The following TLL2 variants were observed in gnomAD, a reference collection of about 807,000 sequenced individuals.
TLL2 encodes the protein tolloid-like protein 2.
Under a neutral mutation model 123.0 loss-of-function variants are expected in TLL2, and 106 were observed. The ratio of observed to expected loss-of-function variants is 0.86; its 90% confidence interval spans 0.74 to 1.01. The LOEUF is 1.01. TLL2 is among the 50% of genes least tolerant of loss of function. The pLI, the probability that TLL2 is intolerant of heterozygous loss-of-function variation, is 0.00. For synonymous variants in TLL2, 494 were observed against 516.8 expected (o/e 0.96, Z 0.60); for missense variants, 1,332 against 1,336.7 (o/e 1.00, Z 0.06).
chr10:96,370,697 T>C (rs1311843489), intron 19 of TLL2, among the ~76,000 whole-genome samples: 1 of 152,232 alleles, frequency 6.6e-6, no homozygotes, highest in Non-Finnish European at 1.5e-5. Context: ...GTTGGATGCA[T>C]CTGAGAAGGG....
chr10:96,432,789 T>G lies in TLL2; in HGVS notation c.520+18A>C. ...AAAGCACCCTGACCCAAAGCAGACC[T>G]TGTCTGTGGCTACTGACCAGTGAAG... On this transcript the variant is annotated intron_variant, in intron 4 of 20. Transcript: ENST00000357947. The G allele has an allele frequency of 6.2e-7, 1 of 1,610,898 alleles. No homozygotes were observed. The highest frequency in any genetic ancestry group is 8.5e-7 in the Non-Finnish European group (1 of 1,177,586).
intron 6 of TLL2, among the ~76,000 whole-genome samples, chr10:96,422,259 G>C (rs370666694): frequency 2.6e-5 from 4 of 150,966 alleles, no homozygotes; most frequent in African/African-American, 7.3e-5. Context: ...CAGTGTTCTG[G>C]TCGACTGTGT....
chr10:96,512,331 G>T (rs911410091), intron 1 of TLL2, among the ~76,000 whole-genome samples: 1 of 152,220 alleles, frequency 6.6e-6, no homozygotes. Context: ...CACTTGCAGA[G>T]AATTTTCCCA....
At chr10:96,429,922 A>G (rs141110102) in intron 4 of TLL2, among the ~76,000 whole-genome samples, 21 of 152,332 alleles carry the variant, frequency 1.4e-4, no homozygotes, top group Non-Finnish European at 2.6e-4. Context: ...AGTTCTTTTC[A>G]AAATCTAGAA....
chr10:96,411,496 G>A (rs548449701), intron 8 of TLL2, among the ~76,000 whole-genome samples: 1 of 152,306 alleles, frequency 6.6e-6, no homozygotes, highest in South Asian at 2.1e-4. Context: ...GGTTGGTTAT[G>A]AGTCTAGAAC....
intron 3 of TLL2, among the ~76,000 whole-genome samples, chr10:96,439,609 T>C (rs1279149334): frequency 6.6e-6 from 1 of 152,200 alleles, no homozygotes; most frequent in African/African-American, 2.4e-5. Context: ...CTTTCTTTCC[T>C]TTGAACTCAA....
At chr10:96,429,222 T>C (rs1436893797) in intron 4 of TLL2, among the ~76,000 whole-genome samples, 1 of 152,204 alleles carries the variant, frequency 6.6e-6, no homozygotes, top group East Asian at 1.9e-4. Flanking sequence ...AGATTTTGTG[T>C]CCTCACCAGC....
At chr10:96,421,124 G>A in intron 6 of TLL2, 63 bp from the exon 7 acceptor site, 1 of 1,285,932 alleles carries the variant, frequency 7.8e-7, no homozygotes, top group Admixed American at 1.7e-5. Context: ...AGGAGGCAGA[G>A]GAAGGAGAAG....
At chr10:96,479,431 A>G (rs1050299857) in intron 2 of TLL2, among the ~76,000 whole-genome samples, 3 of 152,198 alleles carry the variant, frequency 2.0e-5, no homozygotes, top group African/African-American at 7.2e-5. Context: ...CAGGTTCCAG[A>G]GATCTTCCTG....
intron 4 of TLL2, among the ~76,000 whole-genome samples, chr10:96,431,439 C>A (rs1236377072): frequency 6.6e-6 from 1 of 152,192 alleles, no homozygotes; most frequent in Non-Finnish European, 1.5e-5. Context: ...CTCAGGGAAT[C>A]TGCCTTCATC....
At chr10:96,450,158 CATGG>C (rs3033656) in intron 2 of TLL2, among the ~76,000 whole-genome samples, 4,897 of 150,708 alleles carry the variant, frequency 0.032, 98 homozygotes, top group African/African-American at 0.04. Flanking sequence ...TGAATGAATG[CATGG>C]ATGGATGGAT....
chr10:96,440,370 A>G (rs898856222), intron 3 of TLL2, among the ~76,000 whole-genome samples: 2 of 152,250 alleles, frequency 1.3e-5, no homozygotes, highest in African/African-American at 4.8e-5. Flanking sequence ...AAAAATAAAC[A>G]GCCCAACAGT....
chr10:96,405,904 A>G (rs1846444734), intron 9 of TLL2, among the ~76,000 whole-genome samples: 1 of 152,186 alleles, frequency 6.6e-6, no homozygotes, highest in East Asian at 1.9e-4. Context: ...GTGCTGGCCA[A>G]TTGAGATAGA....
Position 96,384,713 on chromosome 10 carries a change from G to C in TLL2, c.2068C>G (p.Leu690Val), listed in dbSNP as rs1398743366. The change falls in exon 16 of 21, where the codon CTG becomes GTG. Residue 690 changes from leucine to valine, a missense_variant. Leu to Val is a conservative substitution (Grantham distance 32). Transcript: ENST00000357947. The part of the protein sequence containing the change: ...VRSGLSPDAK[L>V]HGRFCGSETP... ...TCAGAGCCGCAGAACCTGCCGTGCAGCTTGGCGTCGGGGGACAGGCCGCTG... is the reference window on the plus strand; with the variant it reads ...TCAGAGCCGCAGAACCTGCCGTGCACCTTGGCGTCGGGGGACAGGCCGCTG... The C allele has an allele frequency of 6.2e-7, 1 of 1,611,456 alleles. No homozygotes were observed. Among genetic ancestry groups the C allele is most frequent in the Non-Finnish European group, 8.5e-7 (1 of 1,178,432 alleles).
intron 2 of TLL2, among the ~76,000 whole-genome samples, chr10:96,468,514 T>C (rs940744975): frequency 5.9e-5 from 9 of 152,202 alleles, no homozygotes; most frequent in African/African-American, 1.7e-4. Flanking sequence ...TCTGTTCTTA[T>C]AGGGCCACGA....
In TLL2 at chr10:96,410,431, T is replaced by G. The variant is rs1157045959; in HGVS notation, c.1092A>C (p.Ala364=). ...TLQDTTGNFS[A]PGFPNGYPSY... is the part of the protein sequence containing the mutation. ...ATGGGTACCCATTTGGGAAACCAGG[T>G]GCAGAAAAGTTTCCCGTTGTGTCCT... Residue 364 remains alanine, a synonymous_variant, in exon 9 of 21, where the codon GCA becomes GCC. Coordinates refer to ENST00000357947, the MANE Select transcript of TLL2 (RefSeq NM_012465.4). The G allele has an allele frequency of 1.2e-6, 2 of 1,613,914 alleles. No individual in the cohort carries two copies. The highest frequency in any genetic ancestry group is 1.7e-6 in the Non-Finnish European group (2 of 1,180,018).
chr10:96,497,879 A>G (rs2134112702), intron 1 of TLL2, among the ~76,000 whole-genome samples: 1 of 152,352 alleles, frequency 6.6e-6, no homozygotes, highest in East Asian at 1.9e-4. Flanking sequence ...TCTGGCTGGT[A>G]ATAGGGATGA....
chr10:96,370,320 A>C lies in TLL2; in HGVS notation c.2663-5T>G. 6.4e-7 allele frequency: 1 copy of C among 1,556,660 alleles called. No homozygotes were observed. The highest frequency in any genetic ancestry group is 8.7e-7 in the Non-Finnish European group (1 of 1,149,050). On this transcript the variant is annotated splice_polypyrimidine_tract_variant and splice_region_variant and intron_variant, in intron 19 of 20. Coordinates refer to ENST00000357947, the MANE Select transcript of TLL2 (RefSeq NM_012465.4). ...CCTTCAGCCTGCCCCCGCACTCTGG[A>C]GCAGAGAGAAGTGAGATGTCCCCTC... is the stretch of plus-strand genomic sequence containing the variant.
At chr10:96,384,864 C>G in intron 15 of TLL2, 97 bp from the exon 16 acceptor site, 1 of 1,229,718 alleles carries the variant, frequency 8.1e-7, no homozygotes, top group Non-Finnish European at 1.1e-6. Flanking sequence ...CCTCACCCTA[C>G]CGTGTGTGGC....
Sources: allele counts gnomAD v4.1 joint callset (sites outside exome capture counted in the v4.1 genomes callset), GRCh38; gene constraint gnomAD v4.1.1; transcripts MANE v1.5; gene names NCBI Gene and HGNC (gene_info 2026-07-23, HGNC 2026-07-21).